Variants in GPR89B observed in about 807,000 individuals in gnomAD.
GPR89B encodes the protein G protein-coupled receptor 89B.
In GPR89B, 25 loss-of-function variants were observed where a neutral mutation model predicts 52.4. The ratio of observed to expected loss-of-function variants is 0.48; its 90% confidence interval spans 0.35 to 0.67. The LOEUF is 0.67. GPR89B is among the 30% of genes least tolerant of loss of function. The pLI is 0.01. For missense variants in GPR89B, 146 were observed against 450.2 expected (o/e 0.32, Z 6.11); for synonymous variants, 52 against 151.2 (o/e 0.34, Z 4.81).
chr1:147,984,688 A>G (rs1473186419), intron 10 of GPR89B, among the ~76,000 whole-genome samples: 5 of 148,854 alleles, frequency 3.4e-5, no homozygotes, highest in African/African-American at 1.2e-4. Flanking sequence ...GCTATACTAG[A>G]TCTCACAAAT....
rs1408289450 is a variant in GPR89B at position 147,990,880 on chromosome 1, C to T, written c.1096-1622C>T. 1.5e-3 allele frequency among the ~76,000 whole-genome samples: 222 copies of T among 148,148 alleles called. 1 individual carries two copies. Among genetic ancestry groups the T allele is most frequent in the Admixed American group, 2.3e-3 (34 of 14,866 alleles). On this transcript the variant is annotated intron_variant, in intron 12 of 13. Transcript: ENST00000314163. ...TGTAGTATAGCTTGAAGTCAGGTAGCGTGATGCCTCCAGCTTTGTTCTTTT... is the reference window on the plus strand; with the variant it reads ...TGTAGTATAGCTTGAAGTCAGGTAGTGTGATGCCTCCAGCTTTGTTCTTTT...
chr1:148,001,751 A>G, the GPR89B span, among the ~76,000 whole-genome samples: 1 of 150,956 alleles, frequency 6.6e-6, no homozygotes, highest in African/African-American at 2.4e-5. Flanking sequence ...AGGGGTCTTA[A>G]CGAAAATAAT....
At chr1:147,992,064 G>T (rs1383962722) in intron 12 of GPR89B, among the ~76,000 whole-genome samples, 1 of 151,032 alleles carries the variant, frequency 6.6e-6, no homozygotes, top group Non-Finnish European at 1.5e-5. Context: ...GGTAGGAAAG[G>T]TAGGGATTTA....
chr1:148,004,382 G>A, the GPR89B span, among the ~76,000 whole-genome samples: 4 of 150,330 alleles, frequency 2.7e-5, no homozygotes, highest in African/African-American at 9.8e-5. Flanking sequence ...AGCCAGGATG[G>A]TCTCGATCTC....
At chr1:148,017,302 A>G in the GPR89B span, among the ~76,000 whole-genome samples, 3,159 of 150,992 alleles carry the variant, frequency 0.021, 139 homozygotes, top group African/African-American at 0.07. Flanking sequence ...TCAGCCTCCC[A>G]AAGTGCTGGG....
chr1:148,020,719 G>C, the GPR89B span, among the ~76,000 whole-genome samples: 70 of 152,128 alleles, frequency 4.6e-4, 1 homozygote, highest in Admixed American at 2.9e-3. Flanking sequence ...CAGAGTCTCT[G>C]TCTGGCCCCC....
At chr1:148,011,186 C>G in the GPR89B span, 2 of 152,142 alleles carry the variant, frequency 1.3e-5, no homozygotes, top group African/African-American at 4.8e-5. Flanking sequence ...ACATTTCTAG[C>G]CAACAAAGTT....
At chr1:147,949,196 A>G (rs587634074) in intron 5 of GPR89B, among the ~76,000 whole-genome samples, 80 of 152,070 alleles carry the variant, frequency 5.3e-4, no homozygotes, top group Admixed American at 2.6e-3. Context: ...CGATTTCTCA[A>G]TCCTTTCCCC....
intron 10 of GPR89B, among the ~76,000 whole-genome samples, chr1:147,981,536 T>C (rs1252960944): frequency 4.7e-5 from 7 of 150,062 alleles, no homozygotes; most frequent in Admixed American, 1.3e-4. Context: ...CTGAATAATA[T>C]CTATTTCATT....
rs1326910445 is a variant in GPR89B, at chr1:147,982,780, A to C, written c.910-3419A>C. ...GATATTGATTCTTCCTACCATGAGC[A>C]TGGAATGTTCTTCCATTTGTTTGTA... is the stretch of plus-strand genomic sequence containing the variant. On this transcript the variant is annotated intron_variant, in intron 10 of 13. Coordinates refer to ENST00000314163, the MANE Select transcript of GPR89B (RefSeq NM_016334.5). Among the ~76,000 whole-genome samples, 3 of 150,492 alleles carry C rather than the reference A, an allele frequency of 2.0e-5. 1 individual carries two copies. The South Asian group carries it at 6.4e-4, about 32-fold the overall frequency.
rs183418025 is a variant in GPR89B at position 147,949,600 on chromosome 1, C to T, written c.416-3745C>T. ...TGACCCCCCCACCTCCCTCCAGGACCGGGCAGCTGACGGGGCGGGGGGCTG... is the reference window on the plus strand; with the variant it reads ...TGACCCCCCCACCTCCCTCCAGGACTGGGCAGCTGACGGGGCGGGGGGCTG... On this transcript the variant is annotated intron_variant, in intron 5 of 13. Transcript: ENST00000314163. Among the ~76,000 whole-genome samples, 20 of 125,006 alleles carry T rather than the reference C, an allele frequency of 1.6e-4. 1 individual carries two copies. Among genetic ancestry groups the T allele is most frequent in the African/African-American group, 4.6e-4 (13 of 28,238 alleles). The allele number at this position is 125,006 out of a possible 152,430, so 82.0% of individuals were successfully genotyped here. A position where few individuals can be genotyped will look rare whatever the true frequency, so the allele number is the denominator to read the frequency against.
At chr1:147,992,432 A>G (rs1335496284) in intron 12 of GPR89B, 70 bp from the exon 13 acceptor site, 4 of 1,506,400 alleles carry the variant, frequency 2.7e-6, no homozygotes, top group East Asian at 2.3e-5. Context: ...AATGTTAACC[A>G]TATTTCTTAC....
intron 7 of GPR89B, among the ~76,000 whole-genome samples, chr1:147,961,626 A>G (rs1266088498): frequency 6.6e-6 from 1 of 152,144 alleles, no homozygotes; most frequent in Non-Finnish European, 1.5e-5. Flanking sequence ...GAGCAACGTA[A>G]CAAGACCCCA....
chr1:147,949,001 G>A (rs1655258440), intron 5 of GPR89B, among the ~76,000 whole-genome samples: 1 of 151,980 alleles, frequency 6.6e-6, no homozygotes, highest in African/African-American at 2.4e-5. Flanking sequence ...GTTTAACAAA[G>A]CACATCTTGC....
At chr1:147,994,272 T>G, downstream of GPR89B, 1 of 1,596,510 alleles carries the variant, frequency 6.3e-7, no homozygotes, top group African/African-American at 1.3e-5. Context: ...AGCTATCAAA[T>G]AAACAGCCAA....
Position 147,932,207 on chromosome 1 carries a change from G to A in GPR89B, c.42+3629G>A, listed in dbSNP as rs1266966936. Among the ~76,000 whole-genome samples the A allele has an allele frequency of 5.3e-5, 8 of 151,762 alleles. No homozygotes were observed. In the South Asian group the frequency reaches 8.3e-4, roughly 16 times the overall value. On this transcript the variant is annotated intron_variant, in intron 1 of 13. Coordinates refer to ENST00000314163, the MANE Select transcript of GPR89B (RefSeq NM_016334.5). ...GTCTCTAAACTCTGAATTTACATCT[G>A]TCTCCACCGGTAAATATTTATAATA...
At chr1:148,000,463 T>G in the GPR89B span, among the ~76,000 whole-genome samples, 1 of 152,036 alleles carries the variant, frequency 6.6e-6, no homozygotes, top group African/African-American at 2.4e-5. Flanking sequence ...CTGGGGAGTA[T>G]GGTATAATGA....
chr1:147,975,689 A>G (rs1265034716), intron 10 of GPR89B, among the ~76,000 whole-genome samples: 3 of 151,942 alleles, frequency 2.0e-5, no homozygotes, highest in Admixed American at 6.6e-5. Flanking sequence ...TATTTCTTAT[A>G]TTCTGCTAGC....
At chr1:147,986,709 A>G (rs1658694434) in intron 11 of GPR89B, among the ~76,000 whole-genome samples, 1 of 151,962 alleles carries the variant, frequency 6.6e-6, no homozygotes, top group African/African-American at 2.4e-5. Flanking sequence ...ATTAGCTACT[A>G]ATTAGTGTTC....
Sources: allele counts gnomAD v4.1 joint callset (sites outside exome capture counted in the v4.1 genomes callset), GRCh38; gene constraint gnomAD v4.1.1; transcripts MANE v1.5; gene names NCBI Gene and HGNC (gene_info 2026-07-23, HGNC 2026-07-21).